The following NADSYN1 variants were observed in gnomAD, a reference collection of about 807,000 sequenced individuals.
The protein encoded by NADSYN1 is NAD synthetase 1.
A neutral mutation model predicts 99.3 loss-of-function variants in NADSYN1; 80 were observed. The observed-to-expected ratio is 0.81, with a 90% CI of 0.67 to 0.97. The LOEUF (loss-of-function observed/expected upper bound fraction) is 0.97, where lower values mean the gene tolerates loss of function less well. NADSYN1 is among the 50% of genes least tolerant of loss of function. The pLI is 0.00. For missense variants in NADSYN1, 859 were observed against 948.5 expected (o/e 0.91, Z 1.24); for synonymous variants, 385 against 372.1 (o/e 1.03, Z -0.40).
intron 5 of NADSYN1, among the ~76,000 whole-genome samples, chr11:71,468,216 G>A (rs183456105): frequency 5.9e-5 from 9 of 152,324 alleles, no homozygotes; most frequent in Admixed American, 1.3e-4. Flanking sequence ...GAACATGTAC[G>A]TTAGGCAGAA....
chr11:71,454,743 G>A (rs538788697), intron 1 of NADSYN1, among the ~76,000 whole-genome samples: 1 of 152,266 alleles, frequency 6.6e-6, no homozygotes, highest in East Asian at 1.9e-4. Context: ...GATGGTGTTG[G>A]GCATTTCCTT....
At chr11:71,494,870 A>G (rs1949809329) in intron 18 of NADSYN1, among the ~76,000 whole-genome samples, 3 of 152,052 alleles carry the variant, frequency 2.0e-5, no homozygotes, top group South Asian at 2.1e-4. Flanking sequence ...ATTGATTTCT[A>G]TAAGGTCTGT....
chr11:71,498,244 C>T (rs940171062), intron 19 of NADSYN1, 108 bp from the exon 20 acceptor site: 84 of 1,275,548 alleles, frequency 6.6e-5, no homozygotes, highest in Admixed American at 3.7e-4. Flanking sequence ...AGGTCCTGTG[C>T]GGGGAGTAAC....
At chr11:71,480,679 C>T in intron 10 of NADSYN1, 76 bp from the exon 11 acceptor site, 1 of 1,602,594 alleles carries the variant, frequency 6.2e-7, no homozygotes, top group South Asian at 1.1e-5. Flanking sequence ...TGGAGTCCTG[C>T]TTGTCTGTCG....
At chr11:71,482,057 C>T in intron 13 of NADSYN1, 32 bp downstream of exon 13, 1 of 1,578,124 alleles carries the variant, frequency 6.3e-7, no homozygotes, top group Non-Finnish European at 8.6e-7. Context: ...GAGGGAGGCT[C>T]CAGGGTCCAG....
At chr11:71,494,036 G>A (rs28898287) in intron 18 of NADSYN1, among the ~76,000 whole-genome samples, 12,669 of 152,104 alleles carry the variant, frequency 0.083, 631 homozygotes, top group African/African-American at 0.14. Context: ...GTTACAATAA[G>A]CTAAGGTTAA....
chr11:71,455,890 T>G (rs1949510528), intron 2 of NADSYN1, among the ~76,000 whole-genome samples: 1 of 152,182 alleles, frequency 6.6e-6, no homozygotes, highest in Non-Finnish European at 1.5e-5. Context: ...TTTGTAAAAA[T>G]CAGGAAAACT....
intron 12 of NADSYN1, 200 bp from the exon 13 acceptor site, chr11:71,481,723 C>A: frequency 1.6e-6 from 1 of 606,814 alleles, no homozygotes; most frequent in Non-Finnish European, 2.9e-6. Flanking sequence ...ACACGCCCCG[C>A]AGTGAAGTGT....
At chr11:71,483,133 C>A in intron 14 of NADSYN1, 116 bp downstream of exon 14, 2 of 1,276,600 alleles carry the variant, frequency 1.6e-6, no homozygotes, top group Non-Finnish European at 2.2e-6. Flanking sequence ...ATCGTGTCAT[C>A]CACTATGTGG....
At chr11:71,493,383 A>C (rs1949796871) in intron 18 of NADSYN1, among the ~76,000 whole-genome samples, 1 of 151,996 alleles carries the variant, frequency 6.6e-6, no homozygotes, top group African/African-American at 2.4e-5. Context: ...TATTGACCAT[A>C]TACCCTGCAC....
At chr11:71,462,151 TG>T (rs2120408238) in intron 3 of NADSYN1, among the ~76,000 whole-genome samples, 1 of 151,944 alleles carries the variant, frequency 6.6e-6, no homozygotes, top group East Asian at 1.9e-4. Flanking sequence ...TGACTGGGAG[TG>T]GGGGGTGATC....
chr11:71,492,209 G>A (rs868508711), intron 18 of NADSYN1, among the ~76,000 whole-genome samples: 5 of 152,198 alleles, frequency 3.3e-5, no homozygotes, highest in African/African-American at 4.8e-5. Flanking sequence ...GTTTTAGAGC[G>A]ATGTAGGAGG....
In NADSYN1 at chr11:71,464,122, C is replaced by T; in HGVS notation, c.387C>T (p.Phe129=). The change falls in exon 5 of 21, where the codon TTC becomes TTT. Residue 129 remains phenylalanine (F), a synonymous_variant. Coordinates refer to ENST00000319023, the MANE Select transcript of NADSYN1 (RefSeq NM_018161.5). ...GCAACTACCGCGAGCTGCGCTGGTT[C>T]ACCCCGTGGTCGAGGAGTCGGTGAG... The part of the protein sequence containing the change: ...NEGNYRELRW[F]TPWSRSRHTE... 1 of 1,611,114 alleles carries T rather than the reference C, an allele frequency of 6.2e-7. No individual in the cohort carries two copies. The highest frequency in any genetic ancestry group is 8.5e-7 in the Non-Finnish European group (1 of 1,178,884).
At chr11:71,461,769 C>T (rs1368556670) in intron 3 of NADSYN1, among the ~76,000 whole-genome samples, 1 of 152,224 alleles carries the variant, frequency 6.6e-6, no homozygotes, top group Non-Finnish European at 1.5e-5. Context: ...AGAACCCACT[C>T]ACTCACTGTC....
chr11:71,476,804 A>C (rs1375479360), intron 9 of NADSYN1: 2 of 985,758 alleles, frequency 2.0e-6, no homozygotes. Flanking sequence ...GGACCCCCGC[A>C]GGTTCCCGGC....
Position 71,494,319 on chromosome 11 carries a change from G to T in NADSYN1, c.1764+2416G>T, listed in dbSNP as rs551423847. On this transcript the variant is annotated intron_variant, in intron 18 of 20. Transcript: ENST00000319023. ...TAAATACTTAGCATTATGTTAGACT[G>T]GCCCAGAGTATTCAGTACAGCAACA... 5.3e-5 allele frequency among the ~76,000 whole-genome samples: 8 copies of T among 152,214 alleles called. No individual in the cohort carries two copies. The South Asian group carries it at 1.7e-3, about 32-fold the overall frequency.
intron 3 of NADSYN1, among the ~76,000 whole-genome samples, chr11:71,462,935 G>T (rs1949559691): frequency 6.6e-6 from 1 of 152,194 alleles, no homozygotes; most frequent in South Asian, 2.1e-4. Context: ...TGCAGGGGGA[G>T]ATGATAGGGT....
At chr11:71,465,215 AAGG>A (rs909827681) in intron 5 of NADSYN1, among the ~76,000 whole-genome samples, 2 of 152,130 alleles carry the variant, frequency 1.3e-5, no homozygotes, top group Non-Finnish European at 1.5e-5. Context: ...GCCACTGCGG[AAGG>A]AGGTCATTGT....
intron 16 of NADSYN1, among the ~76,000 whole-genome samples, chr11:71,488,462 T>A (rs1949758679): frequency 6.6e-6 from 1 of 152,060 alleles, no homozygotes; most frequent in African/African-American, 2.4e-5. Flanking sequence ...GAGCCCATCA[T>A]TGTCTCCCTG....
Sources: allele counts gnomAD v4.1 joint callset (sites outside exome capture counted in the v4.1 genomes callset), GRCh38; gene constraint gnomAD v4.1.1; transcripts MANE v1.5; gene names NCBI Gene and HGNC (gene_info 2026-07-23, HGNC 2026-07-21).